The following IMMP2L variants were observed in gnomAD, a reference collection of about 807,000 sequenced individuals.
IMMP2L encodes mitochondrial inner membrane protease subunit 2.
In IMMP2L, 18 loss-of-function variants were observed where a neutral mutation model predicts 19.3. That is an observed-to-expected ratio of 0.93 (90% CI 0.64 to 1.38). The LOEUF is 1.38. Among genes scored for constraint, IMMP2L ranks in the 40% most tolerant of loss-of-function variants. The pLI is 0.00. For synonymous variants in IMMP2L, 76 were observed against 73.0 expected (o/e 1.04, Z -0.21); for missense variants, 233 against 218.2 (o/e 1.07, Z -0.43).
intron 3 of IMMP2L, among the ~76,000 whole-genome samples, chr7:111,237,740 T>A: frequency 6.6e-6 from 1 of 151,944 alleles, no homozygotes; most frequent in East Asian, 1.9e-4. Context: ...AGGGTTCAAT[T>A]AGTCCAATCT....
intron 5 of IMMP2L, among the ~76,000 whole-genome samples, chr7:110,677,925 A>G (rs1458177236): frequency 6.6e-6 from 1 of 152,116 alleles, no homozygotes; most frequent in Admixed American, 6.5e-5. Flanking sequence ...CCCCTCTGGT[A>G]TCACCATCCT....
chr7:110,955,999 T>G (rs1818318424), intron 4 of IMMP2L, among the ~76,000 whole-genome samples: 1 of 151,958 alleles, frequency 6.6e-6, no homozygotes. Flanking sequence ...TTAGTTCTGT[T>G]TTTCTTCCTA....
At chr7:111,472,752 A>G (rs748782945) in intron 3 of IMMP2L, among the ~76,000 whole-genome samples, 2 of 152,194 alleles carry the variant, frequency 1.3e-5, no homozygotes, top group Non-Finnish European at 2.9e-5. Flanking sequence ...TAATAAGCTA[A>G]TAACTGTTGT....
In IMMP2L at chr7:111,019,412, G is replaced by A. The variant is rs533403479; in HGVS notation, c.240-55847C>T. ...GGAAGTCAGAAATCAGAGCAGCCCC[G>A]CAGCAGGGAAACTGCAGTGGTTGAG... is the stretch of plus-strand genomic sequence containing the variant. On this transcript the variant is annotated intron_variant, in intron 3 of 5. Transcript: ENST00000405709. Among the ~76,000 whole-genome samples, 40 of 152,230 alleles carry A rather than the reference G, an allele frequency of 2.6e-4. No homozygotes were observed. In the East Asian group the frequency reaches 5.2e-3, roughly 20 times the overall value.
intron 3 of IMMP2L, among the ~76,000 whole-genome samples, chr7:111,013,243 G>C (rs1405141587): frequency 4.6e-5 from 7 of 152,088 alleles, no homozygotes; most frequent in Non-Finnish European, 1.5e-5. Flanking sequence ...GAGCAATTGA[G>C]AACCACTTAA....
chr7:110,819,478 T>C (rs1331463015), intron 5 of IMMP2L, among the ~76,000 whole-genome samples: 1 of 152,040 alleles, frequency 6.6e-6, no homozygotes, highest in Non-Finnish European at 1.5e-5. Flanking sequence ...AAATAGGGTA[T>C]GGATAATGAA....
At chr7:111,306,603 A>C in intron 3 of IMMP2L, among the ~76,000 whole-genome samples, 2 of 118,118 alleles carry the variant, frequency 1.7e-5, no homozygotes, top group African/African-American at 6.6e-5. Flanking sequence ...TTATCACTGG[A>C]CTCTGTGTGT....
In IMMP2L at chr7:110,892,046, TA is replaced by T. The variant is rs199506328; in HGVS notation, c.306-5352del. On this transcript the variant is annotated intron_variant, in intron 4 of 5. Transcript: ENST00000405709. ...CCCAAAATACGGCACTTTGATGTGC[TA>T]AACTGAAGAAGCCTCGAGGTCTCTC... Among the ~76,000 whole-genome samples, 744 of 152,288 alleles carry T rather than the reference TA, an allele frequency of 4.9e-3. 8 individuals are homozygous for T. The highest frequency in any genetic ancestry group is 0.017 in the African/African-American group (707 of 41,578).
intron 5 of IMMP2L, among the ~76,000 whole-genome samples, chr7:110,773,979 T>C (rs1203344986): frequency 6.6e-6 from 1 of 152,056 alleles, no homozygotes; most frequent in Non-Finnish European, 1.5e-5. Flanking sequence ...ATATTTTCTT[T>C]CTGTATCTCT....
At chr7:111,124,340 G>T (rs1801027148) in intron 3 of IMMP2L, 5 of 1,613,654 alleles carry the variant, frequency 3.1e-6, no homozygotes, top group Non-Finnish European at 3.4e-6. Context: ...GATAACAATG[G>T]CTCTTTGAAT....
chr7:110,945,067 G>A (rs1464985883), intron 4 of IMMP2L, among the ~76,000 whole-genome samples: 1 of 151,846 alleles, frequency 6.6e-6, no homozygotes, highest in African/African-American at 2.4e-5. Flanking sequence ...AAAGGAAGGT[G>A]CTTTCTACAA....
At chr7:110,723,512 T>G (rs1795702238) in intron 5 of IMMP2L, among the ~76,000 whole-genome samples, 1 of 94,340 alleles carries the variant, frequency 1.1e-5, no homozygotes, top group African/African-American at 4.3e-5. Flanking sequence ...CTGATAGTGA[T>G]CCATTCTTTA....
At chr7:110,988,103 G>A (rs1822047829) in intron 3 of IMMP2L, among the ~76,000 whole-genome samples, 1 of 152,108 alleles carries the variant, frequency 6.6e-6, no homozygotes, top group South Asian at 2.1e-4. Flanking sequence ...TAAGATTTAG[G>A]GTTATATGAT....
intron 3 of IMMP2L, among the ~76,000 whole-genome samples, chr7:111,343,864 C>T (rs1277337320): frequency 2.6e-5 from 4 of 152,106 alleles, no homozygotes. Context: ...GGAACCTTCA[C>T]CACCCCATTT....
At chr7:110,675,122 C>A (rs927122106) in intron 5 of IMMP2L, among the ~76,000 whole-genome samples, 1 of 152,120 alleles carries the variant, frequency 6.6e-6, no homozygotes, top group Admixed American at 6.6e-5. Flanking sequence ...TGACCTCCCA[C>A]CTTTGGATCC....
Position 110,858,114 on chromosome 7 carries a change from T to G in IMMP2L, c.408+28479A>C, listed in dbSNP as rs1460369372. 2.0e-5 allele frequency among the ~76,000 whole-genome samples: 3 copies of G among 152,090 alleles called. No homozygotes were observed. The East Asian group carries it at 5.8e-4, about 29-fold the overall frequency. ...TTTCTTCCTTTCAATTACATTTGTATTAATCTTTTTTGGTAGGTTAAACAA... is the reference window on the plus strand; with the variant it reads ...TTTCTTCCTTTCAATTACATTTGTAGTAATCTTTTTTGGTAGGTTAAACAA... On this transcript the variant is annotated intron_variant, in intron 5 of 5. Transcript: ENST00000405709.
At chr7:111,316,345 G>A (rs923312112) in intron 3 of IMMP2L, among the ~76,000 whole-genome samples, 9 of 151,916 alleles carry the variant, frequency 5.9e-5, no homozygotes, top group Middle Eastern at 3.2e-3. Flanking sequence ...GAAAGAACAT[G>A]CAGGAAACAA....
chr7:111,180,220 C>T (rs1377878176), intron 3 of IMMP2L, among the ~76,000 whole-genome samples: 1 of 152,030 alleles, frequency 6.6e-6, no homozygotes, highest in Non-Finnish European at 1.5e-5. Flanking sequence ...TTTTTACATG[C>T]TTTCCTCACT....
At chr7:111,358,618 C>A (rs1206561072) in intron 3 of IMMP2L, among the ~76,000 whole-genome samples, 1 of 152,016 alleles carries the variant, frequency 6.6e-6, no homozygotes, top group African/African-American at 2.4e-5. Context: ...CTGAAAGGCT[C>A]CCTTAACCAA....
Sources: allele counts gnomAD v4.1 joint callset (sites outside exome capture counted in the v4.1 genomes callset), GRCh38; gene constraint gnomAD v4.1.1; transcripts MANE v1.5; gene names NCBI Gene and HGNC (gene_info 2026-07-23, HGNC 2026-07-21).